CACNA2D3: variants seen among roughly 807,000 people sequenced by gnomAD.
The protein encoded by CACNA2D3 is calcium voltage-gated channel auxiliary subunit alpha2delta 3.
In CACNA2D3, 60 loss-of-function variants were observed where a neutral mutation model predicts 160.6. The observed-to-expected ratio is 0.37, with a 90% CI of 0.30 to 0.46. The LOEUF (loss-of-function observed/expected upper bound fraction) is 0.46, where lower values mean the gene tolerates loss of function less well. Among genes scored for constraint, CACNA2D3 ranks in the 20% least tolerant of loss-of-function variants. The probability of loss-of-function intolerance (pLI) is 1.00; values close to 1 mark genes in which losing one functional copy is unlikely to be tolerated. For synonymous variants in CACNA2D3, 558 were observed against 492.9 expected, an observed-to-expected ratio of 1.13 and a Z score of -1.75; for missense variants, 1,205 against 1,365.0, an observed-to-expected ratio of 0.88 and a Z score of 1.85.
At chr3:54,400,503 A>G (rs1031265646) in intron 4 of CACNA2D3, among the ~76,000 whole-genome samples, 3 of 152,088 alleles carry the variant, frequency 2.0e-5, no homozygotes, top group Non-Finnish European at 1.5e-5. Context: ...AAGACTCACC[A>G]TTGTGTGGAA....
At chr3:54,579,352 T>G (rs1702637504) in intron 8 of CACNA2D3, among the ~76,000 whole-genome samples, 1 of 152,182 alleles carries the variant, frequency 6.6e-6, no homozygotes, top group Admixed American at 6.5e-5. Flanking sequence ...TGTGTCTTCC[T>G]TGGGCTTTGC....
At chr3:54,645,642 C>G (rs959141265) in intron 11 of CACNA2D3, among the ~76,000 whole-genome samples, 1 of 152,164 alleles carries the variant, frequency 6.6e-6, no homozygotes, top group African/African-American at 2.4e-5. Context: ...ACTTGCTGTT[C>G]CCCAGCCTCC....
chr3:54,985,342 T>C (rs1702591073), intron 30 of CACNA2D3, among the ~76,000 whole-genome samples: 2 of 152,238 alleles, frequency 1.3e-5, no homozygotes, highest in South Asian at 2.1e-4. Context: ...AAGTCGATGG[T>C]ACTGTAATAG....
intron 9 of CACNA2D3, among the ~76,000 whole-genome samples, chr3:54,592,209 G>A (rs1365485741): frequency 6.6e-6 from 1 of 152,130 alleles, no homozygotes. Flanking sequence ...ATGTCGAAGA[G>A]GTAGTGAGAG....
chr3:54,641,578 C>T (rs1018381068), intron 10 of CACNA2D3, among the ~76,000 whole-genome samples: 3 of 152,168 alleles, frequency 2.0e-5, no homozygotes, highest in Non-Finnish European at 4.4e-5. Context: ...AAATATCCCC[C>T]ACAGGAGAAG....
chr3:54,167,093 A>C (rs1700473623), intron 2 of CACNA2D3, among the ~76,000 whole-genome samples: 1 of 152,194 alleles, frequency 6.6e-6, no homozygotes, highest in Non-Finnish European at 1.5e-5. Flanking sequence ...TTCTATGTAC[A>C]GAGTGTCCTG....
Position 55,044,608 on chromosome 3 carries a change from T to TC in CACNA2D3, c.2987+26291_2987+26292insC, listed in dbSNP as rs573818361. Among the ~76,000 whole-genome samples the TC allele has an allele frequency of 2.4e-4, 36 of 152,182 alleles. No individual in the cohort carries two copies. The East Asian group carries it at 2.9e-3, about 12-fold the overall frequency. On this transcript the variant is annotated intron_variant, in intron 35 of 37. Transcript: ENST00000474759. ...TGTTTCTTTTATTTCTTCTTTTTTT[T>TC]TCTCTCTCTCTTATTGCACTGACTG...
At chr3:54,814,255 T>C (rs1168706) in intron 13 of CACNA2D3, among the ~76,000 whole-genome samples, 4,442 of 152,314 alleles carry the variant, frequency 0.029, 209 homozygotes, top group African/African-American at 0.098. Context: ...GCTAATTAGT[T>C]AGAGCTGGGT....
At chr3:54,410,466 G>A (rs1699648181) in intron 4 of CACNA2D3, among the ~76,000 whole-genome samples, 1 of 152,148 alleles carries the variant, frequency 6.6e-6, no homozygotes, top group Admixed American at 6.6e-5. Context: ...TTAAGTTGAA[G>A]CCAATGCTTA....
intron 17 of CACNA2D3, among the ~76,000 whole-genome samples, chr3:54,861,949 T>A (rs1699299933): frequency 6.6e-6 from 1 of 152,184 alleles, no homozygotes; most frequent in South Asian, 2.1e-4. Flanking sequence ...CAGACCAGCA[T>A]GCATCCAGAA....
intron 3 of CACNA2D3, among the ~76,000 whole-genome samples, chr3:54,340,466 A>G (rs901400060): frequency 6.6e-6 from 1 of 152,206 alleles, no homozygotes; most frequent in African/African-American, 2.4e-5. Flanking sequence ...GGTCAGGCTG[A>G]TATAAAAGCT....
chr3:54,885,194 C>A, intron 21 of CACNA2D3, 87 bp from the exon 22 acceptor site: 1 of 1,428,470 alleles, frequency 7.0e-7, no homozygotes. Flanking sequence ...TTAACCCACC[C>A]CGCAGCCCTA....
At chr3:54,792,972 A>G (rs1159819016) in intron 13 of CACNA2D3, among the ~76,000 whole-genome samples, 2 of 152,010 alleles carry the variant, frequency 1.3e-5, no homozygotes, top group Non-Finnish European at 2.9e-5. Context: ...TTTTCTACAG[A>G]CTCCTTTTAG....
intron 14 of CACNA2D3, among the ~76,000 whole-genome samples, chr3:54,832,342 A>G (rs922144603): frequency 6.6e-6 from 1 of 152,128 alleles, no homozygotes; most frequent in African/African-American, 2.4e-5. Flanking sequence ...GTCCATCCCC[A>G]CACTCAGGAT....
At chr3:54,767,502 A>G (rs1702246976) in intron 13 of CACNA2D3, among the ~76,000 whole-genome samples, 1 of 152,088 alleles carries the variant, frequency 6.6e-6, no homozygotes, top group Non-Finnish European at 1.5e-5. Context: ...ATTAGACTTG[A>G]TTGGAAAATC....
At chr3:54,649,749 C>G (rs1453203690) in intron 11 of CACNA2D3, among the ~76,000 whole-genome samples, 1 of 152,184 alleles carries the variant, frequency 6.6e-6, no homozygotes, top group African/African-American at 2.4e-5. Flanking sequence ...CCCAAAGGCC[C>G]CAACTCCTAA....
At chr3:54,187,774 G>A (rs1047453883) in intron 2 of CACNA2D3, among the ~76,000 whole-genome samples, 5 of 152,070 alleles carry the variant, frequency 3.3e-5, no homozygotes, top group Non-Finnish European at 1.5e-5. Flanking sequence ...TGAATCCCTC[G>A]CATGCACAGT....
chr3:54,764,843 AG>A (rs1702188134), intron 13 of CACNA2D3, among the ~76,000 whole-genome samples: 1 of 152,184 alleles, frequency 6.6e-6, no homozygotes, highest in Non-Finnish European at 1.5e-5. Context: ...GTGGTTCAGT[AG>A]GCACTGGATT....
intron 25 of CACNA2D3, among the ~76,000 whole-genome samples, chr3:54,895,930 T>C (rs1204685793): frequency 3.9e-5 from 6 of 152,106 alleles, no homozygotes; most frequent in Admixed American, 2.0e-4. Flanking sequence ...TCAGAGATCT[T>C]GGGAGGTCTG....
Sources: gnomAD v4.1 joint callset for allele counts (sites outside exome capture counted in the v4.1 genomes callset) on GRCh38, gnomAD v4.1.1 for gene constraint, MANE v1.5 for transcripts, NCBI Gene and HGNC (gene_info 2026-07-23, HGNC 2026-07-21) for gene names.